The following LYRM4 variants were observed in gnomAD, a reference collection of about 807,000 sequenced individuals.
The protein encoded by LYRM4 is LYR motif-containing protein 4.
A neutral mutation model predicts 11.7 loss-of-function variants in LYRM4; 9 were observed. The ratio of observed to expected loss-of-function variants is 0.77; its 90% CI spans 0.46 to 1.34. The LOEUF (loss-of-function observed/expected upper bound fraction) is 1.34, where lower values mean the gene tolerates loss of function less well. Among genes scored for constraint, LYRM4 ranks in the 40% most tolerant of loss-of-function variants. The pLI is 0.00. For missense variants in LYRM4, 133 were observed against 112.5 expected, an observed-to-expected ratio of 1.18 and a Z score of -0.82; for synonymous variants, 42 against 40.4, an observed-to-expected ratio of 1.04 and a Z score of -0.15.
At chr6:5,195,208 AGG>A (rs1760981829) in intron 2 of LYRM4, among the ~76,000 whole-genome samples, 1 of 152,180 alleles carries the variant, frequency 6.6e-6, no homozygotes, top group African/African-American at 2.4e-5. Context: ...AGAGACCTGG[AGG>A]GTGCCAGGTA....
chr6:5,154,460 G>A (rs1301775126), intron 2 of LYRM4, among the ~76,000 whole-genome samples: 1 of 152,100 alleles, frequency 6.6e-6, no homozygotes, highest in Non-Finnish European at 1.5e-5. Context: ...CAGTATCTAC[G>A]ATCACACAGG....
chr6:5,234,045 G>A (rs375331955), intron 1 of LYRM4, among the ~76,000 whole-genome samples: 4 of 152,034 alleles, frequency 2.6e-5, no homozygotes, highest in East Asian at 1.9e-4. Flanking sequence ...GGTTTAAAAC[G>A]GGTCACCACA....
downstream of LYRM4, among the ~76,000 whole-genome samples, chr6:5,099,530 C>T (rs1162528822): frequency 6.6e-6 from 1 of 152,032 alleles, no homozygotes; most frequent in African/African-American, 2.4e-5. The surrounding 1 kb of genome is among the most constrained non-coding windows in gnomAD (Gnocchi z 4.3). Context: ...TGGGATAGAA[C>T]CAATTTTGAC....
chr6:5,229,841 C>A (rs1002588631), intron 1 of LYRM4, among the ~76,000 whole-genome samples: 2 of 152,152 alleles, frequency 1.3e-5, no homozygotes, highest in African/African-American at 2.4e-5. Flanking sequence ...CATTCTATAG[C>A]AGATGCTCCT....
the LYRM4 span, among the ~76,000 whole-genome samples, chr6:5,067,867 T>TG: frequency 1.3e-5 from 2 of 152,162 alleles, no homozygotes; most frequent in East Asian, 3.9e-4. Flanking sequence ...ATCATAATAG[T>TG]GAAAAAAAGA....
intron 2 of LYRM4, among the ~76,000 whole-genome samples, chr6:5,177,287 C>T (rs974547264): frequency 6.6e-6 from 1 of 152,256 alleles, no homozygotes; most frequent in Non-Finnish European, 1.5e-5. Context: ...CTCTTACAGA[C>T]TGAACAAAGA....
downstream of LYRM4, among the ~76,000 whole-genome samples, chr6:5,101,857 G>A (rs1214814352): frequency 6.6e-6 from 1 of 151,532 alleles, no homozygotes; most frequent in Non-Finnish European, 1.5e-5. Flanking sequence ...GTGCAGTGGT[G>A]CAATCATGGC....
the LYRM4 span, among the ~76,000 whole-genome samples, chr6:5,041,818 G>T: frequency 0.73 from 111,064 of 152,108 alleles, 41,323 homozygotes; most frequent in East Asian, 0.95. Context: ...ACTATAAGAA[G>T]CAAGGAAAAT....
At chr6:5,116,910 C>T (rs904526295) in intron 2 of LYRM4, among the ~76,000 whole-genome samples, 3 of 152,206 alleles carry the variant, frequency 2.0e-5, no homozygotes, top group Admixed American at 1.3e-4. Flanking sequence ...TCTTCTGAAG[C>T]AATGCACAGC....
At chr6:5,099,391 C>CTA (rs1762432070), downstream of LYRM4, among the ~76,000 whole-genome samples, 4 of 145,560 alleles carry the variant, frequency 2.7e-5, no homozygotes, top group African/African-American at 7.7e-5. This position sits in a 1 kb window ranked among gnomAD's most constrained non-coding sequence, Gnocchi z 4.3. Flanking sequence ...AAATCTATTT[C>CTA]TCTATCTATC....
chr6:5,144,772 A>G (rs1757620302), intron 2 of LYRM4, among the ~76,000 whole-genome samples: 1 of 151,240 alleles, frequency 6.6e-6, no homozygotes, highest in Non-Finnish European at 1.5e-5. Context: ...TGTGTCTGGG[A>G]GCTGCAGTGC....
rs7771066 is a variant in LYRM4, at chr6:5,260,152, A to G, written c.86+496T>C. 3.7e-3 allele frequency among the ~76,000 whole-genome samples: 561 copies of G among 152,158 alleles called. 5 individuals carry two copies. The highest frequency in any genetic ancestry group is 0.011 in the African/African-American group (463 of 41,478). On this transcript the variant is annotated intron_variant, in intron 1 of 2. Coordinates refer to ENST00000330636, the MANE Select transcript of LYRM4 (RefSeq NM_020408.6). ...TTCCACCATACCCTAAATAGAATGG[A>G]TTCTTGCAACCAAAAGAACTCATTA...
chr6:5,165,724 C>T (rs1759047481), intron 2 of LYRM4, among the ~76,000 whole-genome samples: 1 of 152,020 alleles, frequency 6.6e-6, no homozygotes, highest in Non-Finnish European at 1.5e-5. Flanking sequence ...TGTAATTATA[C>T]TAGAGACGGG....
chr6:5,116,955 C>T (rs761661114), intron 2 of LYRM4, among the ~76,000 whole-genome samples: 26 of 152,200 alleles, frequency 1.7e-4, no homozygotes, highest in Non-Finnish European at 2.8e-4. Flanking sequence ...GATGGGGGTC[C>T]CAGAAGCTGG....
chr6:5,219,454 T>C (rs764811081), intron 1 of LYRM4, among the ~76,000 whole-genome samples: 1 of 152,236 alleles, frequency 6.6e-6, no homozygotes, highest in Non-Finnish European at 1.5e-5. Flanking sequence ...CCCTCCTCTC[T>C]TTCCTGCTCT....
At chr6:5,065,913 C>CT in the LYRM4 span, 46 of 215,872 alleles carry the variant, frequency 2.1e-4, no homozygotes, top group Admixed American at 4.3e-4. Context: ...TCTCTTCTTC[C>CT]TTTTTTCCTA....
At chr6:5,113,250 C>T (rs1226620635) in intron 2 of LYRM4, 9 of 402,746 alleles carry the variant, frequency 2.2e-5, no homozygotes, top group South Asian at 7.2e-5. Flanking sequence ...CTGACCAACA[C>T]GGTGAAACCC....
chr6:5,130,593 C>A (rs961604999), intron 2 of LYRM4, among the ~76,000 whole-genome samples: 2 of 152,170 alleles, frequency 1.3e-5, no homozygotes, highest in Non-Finnish European at 2.9e-5. Flanking sequence ...GACAGAAAAA[C>A]CTGAAACAAA....
chr6:5,043,953 C>T, the LYRM4 span, among the ~76,000 whole-genome samples: 1 of 152,198 alleles, frequency 6.6e-6, no homozygotes, highest in African/African-American at 2.4e-5. Context: ...AAAAAAGGCT[C>T]TTGTCCACAG....
Sources: gnomAD v4.1 joint callset for allele counts (sites outside exome capture counted in the v4.1 genomes callset) on GRCh38, gnomAD v4.1.1 for gene constraint, Gnocchi (gnomAD v3.1) non-coding constraint, MANE v1.5 for transcripts, NCBI Gene and HGNC (gene_info 2026-07-23, HGNC 2026-07-21) for gene names.